Variants in SFSWAP observed in about 807,000 individuals in gnomAD.
The protein encoded by SFSWAP is splicing factor, suppressor of white-apricot homolog.
SFSWAP carries 17 observed loss-of-function variants against 100.7 expected under a neutral mutation model. The ratio of observed to expected loss-of-function variants is 0.17; its 90% CI spans 0.12 to 0.25. The LOEUF (loss-of-function observed/expected upper bound fraction) is 0.25, where lower values mean the gene tolerates loss of function less well. Ranked by LOEUF, SFSWAP falls within the 10% of genes least tolerant of loss-of-function variation. SFSWAP has a pLI of 1.00. For synonymous variants in SFSWAP, 504 were observed against 510.1 expected (o/e 0.99, Z 0.16); for missense variants, 1,005 against 1,262.6 (o/e 0.80, Z 3.09).
intron 5 of SFSWAP, among the ~76,000 whole-genome samples, chr12:131,726,175 TACAC>T (rs143339026): frequency 1.3e-5 from 2 of 151,180 alleles, no homozygotes; most frequent in Non-Finnish European, 2.9e-5. Context: ...TGTATATATA[TACAC>T]ACACACACAC....
At chr12:131,741,714 G>C (rs1254717810) in intron 7 of SFSWAP, among the ~76,000 whole-genome samples, 1 of 151,704 alleles carries the variant, frequency 6.6e-6, no homozygotes, top group African/African-American at 2.4e-5. Context: ...GCGCCTGCTG[G>C]ACCCTGCCTC....
chr12:131,727,061 C>G lies in SFSWAP; in HGVS notation c.945+9C>G, dbSNP rs752311099. On this transcript the variant is annotated intron_variant, in intron 6 of 17. Coordinates refer to ENST00000261674, the MANE Select transcript of SFSWAP (RefSeq NM_004592.4). ...TTGAAGAGCTGATGAAGGTTTTTAT[C>G]TCATTGTTGAACTATATTTTTATGC... is the stretch of plus-strand genomic sequence containing the variant. 6.7e-7 allele frequency: 1 copy of G among 1,484,636 alleles called. No homozygotes were observed. Among genetic ancestry groups the G allele is most frequent in the Admixed American group, 1.7e-5 (1 of 57,404 alleles). The allele number at this position is 1,484,636 out of a possible 1,614,324, so 92.0% of individuals were successfully genotyped here. A position where few individuals can be genotyped will look rare whatever the true frequency, so the allele number is the denominator to read the frequency against.
intron 7 of SFSWAP, 68 bp from the exon 8 acceptor site, chr12:131,753,055 C>A: frequency 6.3e-7 from 1 of 1,585,852 alleles, no homozygotes; most frequent in South Asian, 1.1e-5. Flanking sequence ...GCTCTTGTGG[C>A]TGCATTGTGG....
In SFSWAP at chr12:131,714,966, C is replaced by A; in HGVS notation, c.520+13C>A. On this transcript the variant is annotated intron_variant, in intron 3 of 17. Transcript: ENST00000261674. This position sits in a 1 kb window ranked among gnomAD's most constrained non-coding sequence, Gnocchi z 6.0. ...TCCAAACAGAGAGGTGAGTGGGGAGCTGCCTGGACTGCTGGTGTAGGGCTA... is the reference window on the plus strand; with the variant it reads ...TCCAAACAGAGAGGTGAGTGGGGAGATGCCTGGACTGCTGGTGTAGGGCTA... The A allele has an allele frequency of 6.2e-7, 1 of 1,613,502 alleles. No individual in the cohort carries two copies. Among genetic ancestry groups the A allele is most frequent in the Non-Finnish European group, 8.5e-7 (1 of 1,179,932 alleles).
chr12:131,714,650 A>G lies in SFSWAP; in HGVS notation c.389-172A>G. The G allele has an allele frequency of 1.6e-6, 1 of 627,468 alleles. No individual in the cohort carries two copies. Among genetic ancestry groups the G allele is most frequent in the Non-Finnish European group, 2.7e-6 (1 of 367,952 alleles). The allele number at this position is 627,468 out of a possible 1,614,324, so 38.9% of individuals were successfully genotyped here. A position where few individuals can be genotyped will look rare whatever the true frequency, so the allele number is the denominator to read the frequency against. ...TGTCTGTGGGTAAACATGTACTGAC[A>G]AAAGTACATAATGATAGATATAAAG... On this transcript the variant is annotated intron_variant, in intron 2 of 17. Coordinates refer to ENST00000261674, the MANE Select transcript of SFSWAP (RefSeq NM_004592.4). This position sits in a 1 kb window ranked among gnomAD's most constrained non-coding sequence, Gnocchi z 6.0.
chr12:131,711,747 G>C lies in SFSWAP; in HGVS notation c.218+300G>C, dbSNP rs946994897. 2.6e-6 allele frequency: 1 copy of C among 382,148 alleles called. No homozygotes were observed. Among genetic ancestry groups the C allele is most frequent in the Non-Finnish European group, 4.9e-6 (1 of 205,940 alleles). The allele number at this position is 382,148 out of a possible 1,614,324, so 23.7% of individuals were successfully genotyped here. On this transcript the variant is annotated intron_variant, in intron 1 of 17. Transcript: ENST00000261674. The surrounding 1 kb of genome is among the most constrained non-coding windows in gnomAD (Gnocchi z 4.9). The stretch of plus-strand genomic sequence containing the variant: ...TGGGCTGCAGTTGGCGATTCCGCGC[G>C]GTGAAAGCAGCCAGTGCCCAGGGTC...
chr12:131,752,427 G>A (rs757884103), intron 7 of SFSWAP, among the ~76,000 whole-genome samples: 3 of 152,132 alleles, frequency 2.0e-5, no homozygotes, highest in Non-Finnish European at 2.9e-5. Flanking sequence ...TTAAGACAGC[G>A]TGCCTCTACC....
chr12:131,747,559 CTG>C (rs1397509251), intron 7 of SFSWAP, among the ~76,000 whole-genome samples: 2 of 152,170 alleles, frequency 1.3e-5, no homozygotes, highest in Admixed American at 1.3e-4. Flanking sequence ...CAGGCAGAAA[CTG>C]TGGAGGCAAG....
chr12:131,743,867 G>A (rs1880885397), intron 7 of SFSWAP, among the ~76,000 whole-genome samples: 1 of 152,256 alleles, frequency 6.6e-6, no homozygotes, highest in Non-Finnish European at 1.5e-5. Context: ...CTAGATGGAG[G>A]TTCCCAAACC....
chr12:131,741,763 A>G (rs1298210838), intron 7 of SFSWAP, among the ~76,000 whole-genome samples: 1 of 151,650 alleles, frequency 6.6e-6, no homozygotes, highest in Non-Finnish European at 1.5e-5. Context: ...ATGTTACCTT[A>G]TTTTTGTGCT....
chr12:131,760,267 G>GT (rs1237824184), intron 11 of SFSWAP, among the ~76,000 whole-genome samples: 1 of 152,138 alleles, frequency 6.6e-6, no homozygotes, highest in Non-Finnish European at 1.5e-5. Context: ...AGAAATGGCA[G>GT]TAACTGCTAA....
At chr12:131,796,301 A>G (rs1215058581) in intron 15 of SFSWAP, 1 of 152,324 alleles carries the variant, frequency 6.6e-6, no homozygotes, top group East Asian at 1.9e-4. Context: ...AGTGGCCAAG[A>G]CAGCCACGTG....
intron 12 of SFSWAP, 133 bp downstream of exon 12, chr12:131,764,819 T>C: frequency 1.5e-6 from 1 of 658,966 alleles, no homozygotes; most frequent in Non-Finnish European, 2.6e-6. Flanking sequence ...TTGGGAGTTG[T>C]GTAACATGTC....
chr12:131,741,910 G>T (rs1398338795), intron 7 of SFSWAP, among the ~76,000 whole-genome samples: 1 of 152,104 alleles, frequency 6.6e-6, no homozygotes, highest in Non-Finnish European at 1.5e-5. Context: ...GGGGGCGTGT[G>T]CAGGGTCTCA....
chr12:131,717,588 A>G (rs977540942), intron 3 of SFSWAP, among the ~76,000 whole-genome samples: 1 of 152,230 alleles, frequency 6.6e-6, no homozygotes, highest in East Asian at 1.9e-4. Flanking sequence ...TGTTTAACCC[A>G]TCAATCCCAA....
rs567965556 is a variant in SFSWAP, at chr12:131,794,171, G to A, written c.2535-3007G>A. On this transcript the variant is annotated intron_variant, in intron 15 of 17. Transcript: ENST00000261674. This position sits in a 1 kb window ranked among gnomAD's most constrained non-coding sequence, Gnocchi z 4.8. The stretch of plus-strand genomic sequence containing the variant: ...GTCCTGTCCTGTAATACTATTCATC[G>A]GTAAAAGGAACAAATTGAGGATCAC... 2.0e-5 allele frequency among the ~76,000 whole-genome samples: 3 copies of A among 152,258 alleles called. No homozygotes were observed. Among genetic ancestry groups the A allele is most frequent in the African/African-American group, 7.2e-5 (3 of 41,552 alleles).
chr12:131,753,463 A>G, intron 8 of SFSWAP, 100 bp downstream of exon 8: 3 of 1,426,506 alleles, frequency 2.1e-6, no homozygotes, highest in South Asian at 2.9e-5. Context: ...TCTAGATCAT[A>G]TACAGGGGTC....
intron 7 of SFSWAP, among the ~76,000 whole-genome samples, chr12:131,744,573 C>A (rs1044725674): frequency 6.6e-6 from 1 of 152,230 alleles, no homozygotes; most frequent in Non-Finnish European, 1.5e-5. Flanking sequence ...TTCAGCAAAT[C>A]TCTGGGAAGT....
intron 3 of SFSWAP, among the ~76,000 whole-genome samples, chr12:131,715,377 G>A (rs1001017200): frequency 6.6e-6 from 1 of 152,182 alleles, no homozygotes; most frequent in Admixed American, 6.5e-5. Context: ...CCCAGTGGAA[G>A]GACACAGTGA....
Sources: allele counts gnomAD v4.1 joint callset (sites outside exome capture counted in the v4.1 genomes callset), GRCh38; gene constraint gnomAD v4.1.1; non-coding constraint Gnocchi (gnomAD v3.1); transcripts MANE v1.5; gene names NCBI Gene and HGNC (gene_info 2026-07-23, HGNC 2026-07-21).